The following TANC2 variants were observed in gnomAD, a reference collection of about 807,000 sequenced individuals.
TANC2 encodes tetratricopeptide repeat, ankyrin repeat and coiled-coil containing 2, also known as protein TANC2.
A neutral mutation model predicts 210.5 loss-of-function variants in TANC2; 26 were observed. The observed-to-expected ratio is 0.12, with a 90% confidence interval of 0.09 to 0.17. The LOEUF is 0.17. Ranked by LOEUF, TANC2 falls within the 10% of genes least tolerant of loss-of-function variation. TANC2 has a pLI of 1.00. For synonymous variants in TANC2, 931 were observed against 967.1 expected (o/e 0.96, Z 0.69); for missense variants, 2,129 against 2,608.9 (o/e 0.82, Z 4.01).
chr17:63,044,457 T>A (rs1351195790), intron 2 of TANC2, among the ~76,000 whole-genome samples: 3 of 152,148 alleles, frequency 2.0e-5, no homozygotes, highest in Non-Finnish European at 4.4e-5. Context: ...TTTTATGTAT[T>A]GTATAGTATT....
chr17:63,225,083 T>C (rs561679748), intron 7 of TANC2, among the ~76,000 whole-genome samples: 6 of 152,314 alleles, frequency 3.9e-5, no homozygotes, highest in African/African-American at 1.4e-4. Context: ...TTGAAAGAAT[T>C]GTTCTCACCT....
At chr17:63,001,667 C>T (rs1202994001) in intron 1 of TANC2, among the ~76,000 whole-genome samples, 1 of 151,800 alleles carries the variant, frequency 6.6e-6, no homozygotes, top group Non-Finnish European at 1.5e-5. Flanking sequence ...GCTTCAGACT[C>T]CCAAGTAGCT....
rs34426210 is a variant in TANC2 at position 63,179,973 on chromosome 17, T to TA, written c.434-13998dup. Among the ~76,000 whole-genome samples, 376 of 123,230 alleles carry TA rather than the reference T, an allele frequency of 3.1e-3. 1 individual carries two copies. The highest frequency in any genetic ancestry group is 0.023 in the East Asian group (94 of 4,050). The allele number at this position is 123,230 out of a possible 152,430, so 80.8% of individuals were successfully genotyped here. On this transcript the variant is annotated intron_variant, in intron 5 of 27. Coordinates refer to ENST00000689528, the Ensembl canonical transcript of TANC2. ...GCAACATAGGGAGACTACATCTCTT[T>TA]AAAAAAAAAAAAAAAAAAAAGCCTT...
At chr17:63,237,259 G>T (rs1396170983) in intron 7 of TANC2, among the ~76,000 whole-genome samples, 1 of 152,024 alleles carries the variant, frequency 6.6e-6, no homozygotes, top group South Asian at 2.1e-4. Context: ...ATGGCCATTT[G>T]TATGTCTCCT....
chr17:63,097,138 G>T (rs1186368479), intron 3 of TANC2, among the ~76,000 whole-genome samples: 1 of 151,476 alleles, frequency 6.6e-6, no homozygotes, highest in Non-Finnish European at 1.5e-5. Flanking sequence ...CCTCCTGGGC[G>T]CAAGTGATCC....
At chr17:63,301,174 G>T (rs984837659) in intron 9 of TANC2, among the ~76,000 whole-genome samples, 3 of 152,108 alleles carry the variant, frequency 2.0e-5, no homozygotes, top group Non-Finnish European at 2.9e-5. Context: ...GCTGGATTTG[G>T]TTTGCCAGTA....
exon 28 of TANC2, chr17:63,426,924 C>G (rs2049160106): frequency 6.6e-6 from 1 of 152,172 alleles, no homozygotes. Flanking sequence ...AGAGTTAATT[C>G]TGGAAAATTC....
intron 25 of TANC2, among the ~76,000 whole-genome samples, chr17:63,415,009 A>G (rs781754727): frequency 1.3e-5 from 2 of 152,206 alleles, no homozygotes; most frequent in Non-Finnish European, 1.5e-5. Context: ...ATTTTATGCC[A>G]TGAGATTAGG....
chr17:63,025,499 A>T (rs915221404), intron 2 of TANC2, among the ~76,000 whole-genome samples: 2 of 152,114 alleles, frequency 1.3e-5, no homozygotes, highest in Non-Finnish European at 2.9e-5. Flanking sequence ...TACAGTCTTT[A>T]AATAAGAGAT....
intron 7 of TANC2, among the ~76,000 whole-genome samples, chr17:63,216,501 T>G (rs967353626): frequency 6.6e-6 from 1 of 152,172 alleles, no homozygotes; most frequent in African/African-American, 2.4e-5. Context: ...GGAGGTTGTG[T>G]GAATCCCCAC....
Position 63,412,267 on chromosome 17 carries a change from G to C in TANC2, c.3898+137G>C, listed in dbSNP as rs2048727482. 8.5e-6 allele frequency: 11 copies of C among 1,292,462 alleles called. No homozygotes were observed. Among genetic ancestry groups the C allele is most frequent in the Non-Finnish European group, 8.5e-6 (8 of 942,102 alleles). 80.1% of individuals were successfully genotyped at this position (1,292,462 alleles called of 1,614,324 possible). A position where few individuals can be genotyped will look rare whatever the true frequency, so the allele number is the denominator to read the frequency against. ...GGCCCAATTATTGTCCAAGTGAACA[G>C]AGAGGCTCTTGGCCCAGGGAAAGCG... On this transcript the variant is annotated intron_variant, in intron 23 of 27. Coordinates refer to ENST00000689528, the Ensembl canonical transcript of TANC2. The surrounding 1 kb of genome is among the most constrained non-coding windows in gnomAD (Gnocchi z 4.2).
intron 7 of TANC2, among the ~76,000 whole-genome samples, chr17:63,224,719 C>T (rs1170320364): frequency 6.6e-6 from 1 of 152,180 alleles, no homozygotes; most frequent in Non-Finnish European, 1.5e-5. Context: ...TGTTCCCCAC[C>T]ACTGCCACCA....
chr17:62,996,994 T>TTTTTTTTTTTTTTTTGAGACGG (rs2033144497), intron 1 of TANC2, among the ~76,000 whole-genome samples: 5 of 143,656 alleles, frequency 3.5e-5, no homozygotes, highest in South Asian at 4.5e-4. Context: ...TTTGTATTTT[T>TTTTTTTTTTTTTTTTGAGACGG]AGTATAGATG....
chr17:63,014,363 T>A (rs1315727228), intron 2 of TANC2, among the ~76,000 whole-genome samples: 1 of 152,228 alleles, frequency 6.6e-6, no homozygotes, highest in Non-Finnish European at 1.5e-5. Flanking sequence ...AGGGCTTCCC[T>A]CAGAGACAAT....
rs1231521940 is a variant in TANC2 at position 63,004,838 on chromosome 17, G to T, written c.-23-4699G>T. 2.3e-5 allele frequency: 7 copies of T among 309,518 alleles called. No individual in the cohort carries two copies. The Admixed American group carries it at 2.3e-4, about 10-fold the overall frequency. The allele number at this position is 309,518 out of a possible 1,614,324, so 19.2% of individuals were successfully genotyped here. A position where few individuals can be genotyped will look rare whatever the true frequency, so the allele number is the denominator to read the frequency against. On this transcript the variant is annotated intron_variant, in intron 1 of 27. Transcript: ENST00000689528. The stretch of plus-strand genomic sequence containing the variant: ...CTTTCTTTACCAAGGGCCTTTTTTG[G>T]CTTTGGCCCTGGTTTTAGAGGAGCA...
At chr17:63,054,085 G>A (rs772403034) in intron 2 of TANC2, among the ~76,000 whole-genome samples, 6 of 152,200 alleles carry the variant, frequency 3.9e-5, no homozygotes, top group Non-Finnish European at 8.8e-5. Flanking sequence ...TACTAGTGGT[G>A]TGATATTGGG....
At chr17:63,029,039 A>G (rs987712927) in intron 2 of TANC2, among the ~76,000 whole-genome samples, 3 of 152,108 alleles carry the variant, frequency 2.0e-5, no homozygotes, top group African/African-American at 7.2e-5. Flanking sequence ...ATGTATTTGA[A>G]GATTTAAACT....
chr17:63,100,284 ACT>A (rs1472639721), intron 4 of TANC2, among the ~76,000 whole-genome samples: 1 of 152,138 alleles, frequency 6.6e-6, no homozygotes, highest in East Asian at 1.9e-4. Flanking sequence ...AAACTTTTTC[ACT>A]GTTTATAATT....
intron 14 of TANC2, among the ~76,000 whole-genome samples, chr17:63,358,409 G>GTGTGTGTT (rs2046852494): frequency 6.6e-6 from 1 of 151,212 alleles, no homozygotes; most frequent in African/African-American, 2.4e-5. Flanking sequence ...GTGTGTGTGT[G>GTGTGTGTT]TGTATGTGTG....
Sources: gnomAD v4.1 joint callset for allele counts (sites outside exome capture counted in the v4.1 genomes callset) on GRCh38, gnomAD v4.1.1 for gene constraint, Gnocchi (gnomAD v3.1) non-coding constraint, MANE v1.5 for transcripts, NCBI Gene and HGNC (gene_info 2026-07-23, HGNC 2026-07-21) for gene names.